ULK1: variants seen among roughly 807,000 people sequenced by gnomAD.
ULK1 encodes unc-51 like autophagy activating kinase 1.
Under a neutral mutation model 117.5 loss-of-function variants are expected in ULK1, and 48 were observed. The observed-to-expected ratio is 0.41, with a 90% CI of 0.32 to 0.52. ULK1 has a LOEUF of 0.52. Ranked by LOEUF, ULK1 falls within the 20% of genes least tolerant of loss-of-function variation. The probability of loss-of-function intolerance (pLI) is 0.29; values close to 1 mark genes in which losing one functional copy is unlikely to be tolerated. For synonymous variants in ULK1, 790 were observed against 637.8 expected, an observed-to-expected ratio of 1.24 and a Z score of -3.60; for missense variants, 1,387 against 1,473.4, an observed-to-expected ratio of 0.94 and a Z score of 0.96.
chr12:131,909,646 A>G, intron 8 of ULK1, 129 bp from the exon 9 acceptor site: 1 of 980,650 alleles, frequency 1.0e-6, no homozygotes, highest in Non-Finnish European at 1.5e-6. Context: ...CAGCCGCGCT[A>G]GCACCCGGTT....
rs1890188627 is a variant in ULK1 at position 131,922,387 on chromosome 12, A to G, written c.*1026A>G. On this transcript the variant is annotated 3_prime_UTR_variant, in exon 28 of 28. Transcript: ENST00000321867. ...ACCCTCCCTACCTGGGCCTGGAAGC[A>G]GATGAGGGGAATACTTCATGCAAAG... is the stretch of plus-strand genomic sequence containing the variant. 1 of 237,862 alleles carries G rather than the reference A, an allele frequency of 4.2e-6. No homozygotes were observed. The highest frequency in any genetic ancestry group is 8.6e-6 in the Non-Finnish European group (1 of 116,124). The allele number at this position is 237,862 out of a possible 1,614,324, so 14.7% of individuals were successfully genotyped here. A position where few individuals can be genotyped will look rare whatever the true frequency, so the allele number is the denominator to read the frequency against.
Position 131,919,981 on chromosome 12 carries a change from G to T in ULK1, c.2806G>T (p.Val936Leu), listed in dbSNP as rs779502971. The T allele has an allele frequency of 6.2e-7, 1 of 1,612,340 alleles. No individual in the cohort carries two copies. Among genetic ancestry groups the T allele is most frequent in the Non-Finnish European group, 8.5e-7 (1 of 1,179,554 alleles). The change falls in exon 26 of 28, where the codon GTG becomes TTG. Residue 936 changes from valine to leucine, a missense_variant and splice_region_variant. By Grantham distance (32) the Val-to-Leu change is conservative. Around this residue, in one of 4 missense-constraint regions of ULK1, gnomAD observed 900 missense variants for 858.9 expected, o/e 1.05. Transcript: ENST00000321867. ...LCLSSTVKQV[V>L]RRLNELYKAS... is the part of the protein sequence containing the mutation. Reference sequence around the variant, plus strand: ...CTGACCACCCTCGTCCTTTGCAGTGGTGCGCAGGCTGAATGAGCTGTACAA... The same window carrying T: ...CTGACCACCCTCGTCCTTTGCAGTGTTGCGCAGGCTGAATGAGCTGTACAA...
chr12:131,916,248 A>G, intron 19 of ULK1, 89 bp downstream of exon 19: 1 of 1,540,678 alleles, frequency 6.5e-7, no homozygotes, highest in Non-Finnish European at 8.8e-7. Flanking sequence ...CGAGGAAGGC[A>G]GCTCTGTACC....
In ULK1 at chr12:131,918,534, C is replaced by T. The variant is rs769141736; in HGVS notation, c.2364C>T (p.His788=). The stretch of plus-strand genomic sequence containing the variant: ...GCTCTGCCAGCTCTTCTGCCCGCCA[C>T]CTGGTGCCTGGGCCCTGCAGCGAGG... ...PTGSASSSAR[H]LVPGPCSEAP... is the part of the protein sequence containing the mutation. The change falls in exon 23 of 28, where the codon CAC becomes CAT. Residue 788 remains histidine, a synonymous_variant. Transcript: ENST00000321867. 4 of 1,610,890 alleles carry T rather than the reference C, an allele frequency of 2.5e-6. No homozygotes were observed. The highest frequency in any genetic ancestry group is 3.4e-6 in the Non-Finnish European group (4 of 1,179,208).
rs1889508091 is a variant in ULK1 at position 131,910,945 on chromosome 12, G to A, written c.948+145G>A. 15 of 1,446,214 alleles carry A rather than the reference G, an allele frequency of 1.0e-5. No homozygotes were observed. In the Middle Eastern group the frequency reaches 7.5e-4, roughly 73 times the overall value. The allele number at this position is 1,446,214 out of a possible 1,614,324, so 89.6% of individuals were successfully genotyped here. A position where few individuals can be genotyped will look rare whatever the true frequency, so the allele number is the denominator to read the frequency against. ...CATGGATGAGTTCATTCTGTCAGAT[G>A]TTGAAGCCCCACAAACGGGTGACAG... On this transcript the variant is annotated intron_variant, in intron 12 of 27. Coordinates refer to ENST00000321867, the MANE Select transcript of ULK1 (RefSeq NM_003565.4).
chr12:131,913,638 G>A, intron 14 of ULK1, 109 bp from the exon 15 acceptor site: 1 of 715,752 alleles, frequency 1.4e-6, no homozygotes, highest in Non-Finnish European at 2.1e-6. Flanking sequence ...CCAGGAAGCA[G>A]AGGTTGCAGT....
In ULK1 at chr12:131,907,484, G is replaced by A. The variant is rs1415283267; in HGVS notation, c.280-11G>A. ...CCTGCTGCAGCCTGATGCGTGTCTGGTCTCTTGCAGTACTGCAACGGTGGG... is the reference window on the plus strand; with the variant it reads ...CCTGCTGCAGCCTGATGCGTGTCTGATCTCTTGCAGTACTGCAACGGTGGG... On this transcript the variant is annotated splice_polypyrimidine_tract_variant and intron_variant, in intron 4 of 27. Coordinates refer to ENST00000321867, the MANE Select transcript of ULK1 (RefSeq NM_003565.4). 1 of 1,612,718 alleles carries A rather than the reference G, an allele frequency of 6.2e-7. No individual in the cohort carries two copies. Among genetic ancestry groups the A allele is most frequent in the Admixed American group, 1.7e-5 (1 of 59,972 alleles).
intron 13 of ULK1, among the ~76,000 whole-genome samples, chr12:131,912,618 G>A (rs1889587892): frequency 6.6e-6 from 1 of 152,202 alleles, no homozygotes; most frequent in African/African-American, 2.4e-5. Flanking sequence ...GTCTGGGTTG[G>A]CACTGGTCCC....
At chr12:131,897,523 C>T (rs1334212001) in intron 3 of ULK1, 1 of 152,268 alleles carries the variant, frequency 6.6e-6, no homozygotes, top group East Asian at 1.9e-4. Context: ...AATTTTGTCA[C>T]TTAAGAGTAT....
rs1566132696 is a variant in ULK1, at chr12:131,921,946, GC to G, written c.*591del. The stretch of plus-strand genomic sequence containing the variant: ...TACACATATGCAGACACATGCCAGG[GC>G]CCCCCAAGCCCGAGCACCGGACCAC... On this transcript the variant is annotated 3_prime_UTR_variant, in exon 28 of 28. Coordinates refer to ENST00000321867, the MANE Select transcript of ULK1 (RefSeq NM_003565.4). The G allele has an allele frequency of 4.4e-6, 2 of 456,316 alleles. No individual in the cohort carries two copies. Among genetic ancestry groups the G allele is most frequent in the Admixed American group, 2.3e-5 (1 of 42,564 alleles). The allele number at this position is 456,316 out of a possible 1,614,324, so 28.3% of individuals were successfully genotyped here.
intron 3 of ULK1, chr12:131,896,883 G>C (rs1427329685): frequency 6.6e-6 from 1 of 152,460 alleles, no homozygotes; most frequent in African/African-American, 2.4e-5. Flanking sequence ...CCCTGGCCAG[G>C]CAGCGACTCT....
rs778893523 is a variant in ULK1, at chr12:131,916,394, C to T, written c.1879-4C>T. On this transcript the variant is annotated splice_polypyrimidine_tract_variant and splice_region_variant and intron_variant, in intron 19 of 27. Transcript: ENST00000321867. ...CAGTCTTCACCCCATCTCTGTCCTC[C>T]TAGGCTGTGCCCTCCTTTGACTTCC... 1.9e-6 allele frequency: 3 copies of T among 1,573,550 alleles called. No individual in the cohort carries two copies. The African/African-American group carries it at 4.1e-5, about 21-fold the overall frequency.
chr12:131,910,904 T>C (rs1889506908), intron 12 of ULK1, 104 bp downstream of exon 12: 2 of 1,525,892 alleles, frequency 1.3e-6, no homozygotes, highest in Non-Finnish European at 1.8e-6. Context: ...CTGTTGTCTG[T>C]GTGAGTCACG....
intron 2 of ULK1, 44 bp from the exon 3 acceptor site, chr12:131,895,739 G>GC (rs748815163): frequency 4.3e-6 from 7 of 1,613,690 alleles, no homozygotes; most frequent in East Asian, 2.2e-5. Flanking sequence ...GCGTGGGCAA[G>GC]CCCCCCTCCC....
At chr12:131,900,995 C>G (rs1333457000) in intron 3 of ULK1, among the ~76,000 whole-genome samples, 1 of 150,660 alleles carries the variant, frequency 6.6e-6, no homozygotes, top group Non-Finnish European at 1.5e-5. Flanking sequence ...AAGGGGCTCC[C>G]AGGGCCCAGG....
Position 131,915,954 on chromosome 12 carries a change from C to T in ULK1, c.1673C>T (p.Pro558Leu). ...SGLGCRLHSAPNLSDLHVVRP... is the reference protein window; with the variant it reads ...SGLGCRLHSALNLSDLHVVRP... ...CTGGGCTGCCGCCTGCACAGCGCCC[C>T]CAACCTGTCTGACTTGCACGTCGTC... The change falls in exon 19 of 28, where the codon CCC becomes CTC. Residue 558 changes from proline to leucine, a missense_variant. By Grantham distance (98) the Pro-to-Leu change is moderately conservative. Coordinates refer to ENST00000321867, the MANE Select transcript of ULK1 (RefSeq NM_003565.4). 1 of 1,612,542 alleles carries T rather than the reference C, an allele frequency of 6.2e-7. No homozygotes were observed. Among genetic ancestry groups the T allele is most frequent in the Non-Finnish European group, 8.5e-7 (1 of 1,179,856 alleles).
intron 12 of ULK1, among the ~76,000 whole-genome samples, chr12:131,911,597 G>C (rs1468215573): frequency 6.6e-6 from 1 of 152,144 alleles, no homozygotes; most frequent in East Asian, 1.9e-4. Context: ...CGTTCTCTTG[G>C]CTATGCCGAT....
chr12:131,908,846 G>C, intron 6 of ULK1, 29 bp downstream of exon 6: 7 of 1,605,282 alleles, frequency 4.4e-6, no homozygotes, highest in Non-Finnish European at 5.9e-6. Flanking sequence ...AGGCGGGCCC[G>C]GCGGGGAGGG....
intron 4 of ULK1, 59 bp downstream of exon 4, chr12:131,906,983 C>G: frequency 6.2e-7 from 1 of 1,610,586 alleles, no homozygotes; most frequent in Non-Finnish European, 8.5e-7. Context: ...CTGGGAGCCC[C>G]ACAGGGAGGG....
Sources: gnomAD v4.1 joint callset for allele counts (sites outside exome capture counted in the v4.1 genomes callset) on GRCh38, gnomAD v4.1.1 for gene constraint, gnomAD v4.1.1 regional missense constraint, MANE v1.5 for transcripts, NCBI Gene and HGNC (gene_info 2026-07-23, HGNC 2026-07-21) for gene names.